Variants in CNTN4 observed in about 807,000 individuals in gnomAD.
CNTN4 encodes the protein contactin-4.
A neutral mutation model predicts 122.5 loss-of-function variants in CNTN4; 77 were observed. The observed-to-expected ratio is 0.63, with a 90% CI of 0.52 to 0.76. The LOEUF (loss-of-function observed/expected upper bound fraction) is 0.76. CNTN4 is among the 30% of genes least tolerant of loss of function. The pLI, the probability that CNTN4 is intolerant of heterozygous loss-of-function variation, is 0.00. For missense variants in CNTN4, 1,256 were observed against 1,259.1 expected (o/e 1.00, Z 0.04); for synonymous variants, 512 against 447.0 (o/e 1.15, Z -1.83).
intron 14 of CNTN4, chr3:3,009,050 G>A: frequency 1.0e-6 from 1 of 985,306 alleles, no homozygotes. Flanking sequence ...TTAGCACAGT[G>A]AGCAAGTGGC....
At chr3:2,269,604 G>A (rs936557012) in intron 2 of CNTN4, among the ~76,000 whole-genome samples, 2 of 152,064 alleles carry the variant, frequency 1.3e-5, no homozygotes, top group African/African-American at 2.4e-5. Context: ...CTTAGGAATG[G>A]TTTGGGAGAC....
chr3:2,276,602 A>G (rs1308677099), intron 2 of CNTN4, among the ~76,000 whole-genome samples: 1 of 152,200 alleles, frequency 6.6e-6, no homozygotes, highest in African/African-American at 2.4e-5. Context: ...GTAGTTCTCA[A>G]TAAATAGCTT....
chr3:2,260,975 C>T (rs2040812558), intron 2 of CNTN4, among the ~76,000 whole-genome samples: 1 of 152,086 alleles, frequency 6.6e-6, no homozygotes, highest in Non-Finnish European at 1.5e-5. Flanking sequence ...AAGTGATCTG[C>T]CTGCCTCGGC....
chr3:2,814,411 C>T (rs1398470723), intron 6 of CNTN4, among the ~76,000 whole-genome samples: 2 of 152,030 alleles, frequency 1.3e-5, no homozygotes, highest in Non-Finnish European at 2.9e-5. Context: ...GGCAGCAATC[C>T]TGCTTCTTAA....
At chr3:2,798,340 A>C (rs2092256036) in intron 6 of CNTN4, among the ~76,000 whole-genome samples, 1 of 31,620 alleles carries the variant, frequency 3.2e-5, no homozygotes, top group South Asian at 1.4e-3. Flanking sequence ...GTCTGTATAT[A>C]TACATACTAT....
At chr3:2,554,797 A>T (rs2078653917) in intron 3 of CNTN4, among the ~76,000 whole-genome samples, 2 of 152,166 alleles carry the variant, frequency 1.3e-5, no homozygotes, top group Non-Finnish European at 2.9e-5. Context: ...ATTTGTAAGG[A>T]ATTTGGCCAA....
chr3:2,470,322 A>G (rs1396230755), intron 3 of CNTN4, among the ~76,000 whole-genome samples: 2 of 151,872 alleles, frequency 1.3e-5, no homozygotes, highest in East Asian at 1.9e-4. Flanking sequence ...TGATTCACCC[A>G]TGTTGGCCTC....
chr3:2,236,581 G>T (rs1340521135), intron 2 of CNTN4, among the ~76,000 whole-genome samples: 1 of 152,122 alleles, frequency 6.6e-6, no homozygotes, highest in Non-Finnish European at 1.5e-5. Context: ...GGTCGTTATT[G>T]AACCCAGTAC....
chr3:3,031,913 G>A lies in CNTN4; in HGVS notation c.1783+938G>A, dbSNP rs112349771. ...GAAAATAAAAATTTAGGGTATGAGC[G>A]TTGGAGGCAGGGTTAATCTGCATGC... On this transcript the variant is annotated intron_variant, in intron 16 of 24. Transcript: ENST00000418658. Among the ~76,000 whole-genome samples the A allele has an allele frequency of 9.2e-3, 1,399 of 152,292 alleles. 17 individuals are homozygous for A. Among genetic ancestry groups the A allele is most frequent in the Middle Eastern group, 0.051 (15 of 294 alleles).
intron 3 of CNTN4, among the ~76,000 whole-genome samples, chr3:2,449,383 G>A (rs1418162293): frequency 6.6e-6 from 1 of 152,130 alleles, no homozygotes; most frequent in Non-Finnish European, 1.5e-5. Flanking sequence ...GGGAGGCTGA[G>A]GTGGGTGCGT....
chr3:2,369,267 C>T (rs890307713), intron 3 of CNTN4, among the ~76,000 whole-genome samples: 1 of 152,174 alleles, frequency 6.6e-6, no homozygotes, highest in African/African-American at 2.4e-5. Context: ...GGCATTGTCC[C>T]TGTTTTTGAG....
intron 2 of CNTN4, among the ~76,000 whole-genome samples, chr3:2,282,758 C>T (rs2041764395): frequency 6.6e-6 from 1 of 152,098 alleles, no homozygotes; most frequent in Non-Finnish European, 1.5e-5. Flanking sequence ...TGTTCATCAA[C>T]TGATAATTCG....
intron 2 of CNTN4, among the ~76,000 whole-genome samples, chr3:2,187,095 A>C (rs1223911899): frequency 6.6e-6 from 1 of 152,088 alleles, no homozygotes; most frequent in Non-Finnish European, 1.5e-5. Context: ...ATCTTGAATA[A>C]ATTTTTGTAT....
intron 2 of CNTN4, among the ~76,000 whole-genome samples, chr3:2,303,468 A>C (rs2042597588): frequency 6.6e-6 from 1 of 152,140 alleles, no homozygotes; most frequent in Non-Finnish European, 1.5e-5. Context: ...TTTATGACTG[A>C]CTTATTTCAC....
At chr3:2,243,310 C>G (rs1450549086) in intron 2 of CNTN4, among the ~76,000 whole-genome samples, 1 of 152,010 alleles carries the variant, frequency 6.6e-6, no homozygotes, top group African/African-American at 2.4e-5. Flanking sequence ...TGGGTTATTA[C>G]TATATTTTTC....
intron 2 of CNTN4, among the ~76,000 whole-genome samples, chr3:2,156,285 GC>G (rs1312755867): frequency 6.6e-6 from 1 of 152,216 alleles, no homozygotes; most frequent in African/African-American, 2.4e-5. Context: ...AACCTTGGAA[GC>G]CCAAGTGCTG....
At position 2,809,229 on chromosome 3, in the gene CNTN4, G is replaced by A. The variant is rs555816740; in HGVS notation, c.359-10257G>A. Among the ~76,000 whole-genome samples, 10 of 152,296 alleles carry A rather than the reference G, an allele frequency of 6.6e-5. 1 individual carries two copies. In the South Asian group the frequency reaches 1.2e-3, roughly 19 times the overall value. On this transcript the variant is annotated intron_variant, in intron 6 of 24. Transcript: ENST00000418658. ...CAGAGAGTAACTGGAGTCAGGTCAC[G>A]GTTGACTTTACTTAAGCCCTCAGGT...
chr3:2,399,451 T>C (rs1367021156), intron 3 of CNTN4, among the ~76,000 whole-genome samples: 1 of 152,144 alleles, frequency 6.6e-6, no homozygotes, highest in Admixed American at 6.5e-5. Context: ...GATTCATTCA[T>C]TTGTGATTTC....
chr3:2,652,846 C>T (rs1559349183), intron 4 of CNTN4, among the ~76,000 whole-genome samples: 1 of 152,038 alleles, frequency 6.6e-6, no homozygotes, highest in Non-Finnish European at 1.5e-5. Flanking sequence ...GTTTAAAATA[C>T]TTATGGATCT....
Sources: gnomAD v4.1 joint callset for allele counts (sites outside exome capture counted in the v4.1 genomes callset) on GRCh38, gnomAD v4.1.1 for gene constraint, MANE v1.5 for transcripts, NCBI Gene and HGNC (gene_info 2026-07-23, HGNC 2026-07-21) for gene names.